TDRD6: variants seen among roughly 807,000 people sequenced by gnomAD.
The protein encoded by TDRD6 is tudor domain-containing protein 6.
Under a neutral mutation model 157.5 loss-of-function variants are expected in TDRD6, and 186 were observed. That is an observed-to-expected ratio of 1.18 (90% CI 1.05 to 1.33). The LOEUF (loss-of-function observed/expected upper bound fraction) is 1.33. Ranked by LOEUF, TDRD6 falls within the 40% of genes most tolerant of loss-of-function variation. The pLI, the probability that TDRD6 is intolerant of heterozygous loss-of-function variation, is 0.00. For synonymous variants in TDRD6, 1,075 were observed against 945.2 expected (o/e 1.14, Z -2.52); for missense variants, 3,066 against 2,508.0 (o/e 1.22, Z -4.75).
At position 46,688,707 on chromosome 6, in the gene TDRD6, G is replaced by C; in HGVS notation, c.579G>C (p.Glu193Asp). Residue 193 changes from glutamate (E) to aspartate (D), a missense_variant, in exon 1 of 4, where the codon GAG becomes GAC. By Grantham distance (45) the Glu-to-Asp change is conservative. Coordinates refer to ENST00000316081, the MANE Select transcript of TDRD6 (RefSeq NM_001010870.3). ...CTGATGTGTTCCAACAGATGCGGGA[G>C]CTGGGCCTGGCTCGGCGGGTGCCCG... ...EVPDVFQQMR[E>D]LGLARRVPDS... 6.2e-7 allele frequency: 1 copy of C among 1,601,020 alleles called. No homozygotes were observed. The highest frequency in any genetic ancestry group is 8.5e-7 in the Non-Finnish European group (1 of 1,179,614).
chr6:46,691,245 G>C lies in TDRD6; in HGVS notation c.3117G>C (p.Leu1039Phe). 2 of 1,614,058 alleles carry C rather than the reference G, an allele frequency of 1.2e-6. No homozygotes were observed. The highest frequency in any genetic ancestry group is 1.7e-6 in the Non-Finnish European group (2 of 1,179,958). Reference protein sequence around the residue: ...LKTSPLNPGTLCLAKYTDGNW... With the variant: ...LKTSPLNPGTFCLAKYTDGNW... ...CATCTCCCTTGAACCCTGGAACCTT[G>C]TGCCTTGCCAAGTATACTGATGGAA... The change falls in exon 1 of 4, where the codon TTG becomes TTC. Residue 1039 changes from leucine (L) to phenylalanine (F), a missense_variant. Coordinates refer to ENST00000316081, the MANE Select transcript of TDRD6 (RefSeq NM_001010870.3).
chr6:46,689,853 G>T lies in TDRD6; in HGVS notation c.1725G>T (p.Ser575=). 6.2e-7 allele frequency: 1 copy of T among 1,614,174 alleles called. No individual in the cohort carries two copies. The highest frequency in any genetic ancestry group is 8.5e-7 in the Non-Finnish European group (1 of 1,180,030). The stretch of plus-strand genomic sequence containing the variant: ...TATTCTTAGTTGACCGAGGCAATTC[G>T]GAAAATGTGGACTGGTATGACGTAA... ...VDVFLVDRGN[S]ENVDWYDVRM... Residue 575 remains serine (S), a synonymous_variant, in exon 1 of 4, where the codon TCG becomes TCT. Transcript: ENST00000316081.
chr6:46,691,494 G>A lies in TDRD6; in HGVS notation c.3366G>A (p.Lys1122=), dbSNP rs1287830859. 17 of 1,613,924 alleles carry A rather than the reference G, an allele frequency of 1.1e-5. No individual in the cohort carries two copies. Among genetic ancestry groups the A allele is most frequent in the Non-Finnish European group, 1.4e-5 (17 of 1,179,968 alleles). Residue 1122 remains lysine, a synonymous_variant, in exon 1 of 4, where the codon AAG becomes AAA. Transcript: ENST00000316081. ...GGTTTCAGGAGACTATTTTAGATAA[G>A]TCATTGAAGGCTTTAGTTGTAGCAA... ...VVWFQETILD[K]SLKALVVAKD... is the part of the protein sequence containing the mutation.
chr6:46,687,927 G>T lies in TDRD6; in HGVS notation c.-202G>T. On this transcript the variant is annotated 5_prime_UTR_variant, in exon 1 of 4. Transcript: ENST00000316081. ...CTCGGGCGGTTGGAGGGGCTACCGG[G>T]TCTTACCAGTCCGTGGCGGGAGTCC... The T allele has an allele frequency of 2.6e-6, 2 of 781,552 alleles. No homozygotes were observed. Among genetic ancestry groups the T allele is most frequent in the Non-Finnish European group, 3.7e-6 (2 of 535,386 alleles). 48.4% of individuals were successfully genotyped at this position (781,552 alleles called of 1,614,324 possible).
Position 46,688,277 on chromosome 6 carries a change from T to G in TDRD6, c.149T>G (p.Ile50Ser). 6.7e-7 allele frequency: 1 copy of G among 1,501,236 alleles called. No individual in the cohort carries two copies. The highest frequency in any genetic ancestry group is 8.8e-7 in the Non-Finnish European group (1 of 1,133,434). The allele number at this position is 1,501,236 out of a possible 1,614,324, so 93.0% of individuals were successfully genotyped here. A position where few individuals can be genotyped will look rare whatever the true frequency, so the allele number is the denominator to read the frequency against. The change falls in exon 1 of 4, where the codon ATC becomes AGC. Residue 50 changes from isoleucine to serine, a missense_variant. By Grantham distance (142) the Ile-to-Ser change is moderately radical. Transcript: ENST00000316081. ...RGEYLRLSRE[I>S]QEAAATRGQW... The stretch of plus-strand genomic sequence containing the variant: ...GAGTACCTGCGGCTGAGCCGGGAAA[T>G]CCAGGAAGCGGCGGCCACGCGCGGC...
Position 46,690,173 on chromosome 6 carries a change from A to G in TDRD6, c.2045A>G (p.His682Arg). 1 of 1,613,374 alleles carries G rather than the reference A, an allele frequency of 6.2e-7. No individual in the cohort carries two copies. The highest frequency in any genetic ancestry group is 8.5e-7 in the Non-Finnish European group (1 of 1,179,830). ...AAGGAAAATATCCTGGTAAATGCCC[A>G]CTCCCCAGGGCATGTTTCAAACCAC... The part of the protein sequence containing the change: ...ETKENILVNA[H>R]SPGHVSNHFT... The change falls in exon 1 of 4, where the codon CAC becomes CGC. Residue 682 changes from histidine to arginine, a missense_variant. Physicochemically the swap from His to Arg is conservative, Grantham distance 29. Coordinates refer to ENST00000316081, the MANE Select transcript of TDRD6 (RefSeq NM_001010870.3).
chr6:46,696,861 T>C (rs2150683665), intron 2 of TDRD6, among the ~76,000 whole-genome samples: 1 of 151,810 alleles, frequency 6.6e-6, no homozygotes, highest in African/African-American at 2.4e-5. Context: ...TCCGCCCACC[T>C]CAGCCTCCCA....
chr6:46,681,659 T>C, the TDRD6 span: 6 of 441,074 alleles, frequency 1.4e-5, no homozygotes, highest in South Asian at 8.1e-5. Context: ...TAAACTGTGT[T>C]ATTCTGATTT....
At position 46,690,008 on chromosome 6, in the gene TDRD6, A is replaced by G. The variant is rs2150677632; in HGVS notation, c.1880A>G (p.Lys627Arg). ...TTTTTTAAAAAGACTGTGCTCCACA[A>G]AGAATTAGTCATCCATATTCTTGAT... The part of the protein sequence containing the change: ...VSFFKKTVLH[K>R]ELVIHILDKQ... Residue 627 changes from lysine (K) to arginine (R), a missense_variant, in exon 1 of 4, where the codon AAA (lysine) becomes AGA (arginine). Physicochemically the swap from Lys to Arg is conservative, Grantham distance 26 (BLOSUM62 2). Transcript: ENST00000316081. 1.9e-6 allele frequency: 3 copies of G among 1,613,792 alleles called. No individual in the cohort carries two copies. Among genetic ancestry groups the G allele is most frequent in the East Asian group, 2.2e-5 (1 of 44,872 alleles).
chr6:46,690,060 G>T lies in TDRD6; in HGVS notation c.1932G>T (p.Glu644Asp). Residue 644 changes from glutamate to aspartate, a missense_variant, in exon 1 of 4, where the codon GAG becomes GAT. Coordinates refer to ENST00000316081, the MANE Select transcript of TDRD6 (RefSeq NM_001010870.3). ...LDKQDHQYVI[E>D]ILDESRTGEE... ...AACAGGATCATCAATATGTTATTGA[G>T]ATTCTTGACGAATCAAGAACAGGGG... The T allele has an allele frequency of 6.2e-7, 1 of 1,614,054 alleles. No individual in the cohort carries two copies. The highest frequency in any genetic ancestry group is 8.5e-7 in the Non-Finnish European group (1 of 1,180,004).
At position 46,692,456 on chromosome 6, in the gene TDRD6, G is replaced by A; in HGVS notation, c.4328G>A (p.Ser1443Asn). 2 of 1,614,014 alleles carry A rather than the reference G, an allele frequency of 1.2e-6. No individual in the cohort carries two copies. Among genetic ancestry groups the A allele is most frequent in the Non-Finnish European group, 1.7e-6 (2 of 1,180,006 alleles). ...ATGCATTACTTTTCCCAACGGACCA[G>A]CGAGGCTGCAATAAGATGTGAATTT... ...KMMHYFSQRTSEAAIRCEFVK... is the reference protein window; with the variant it reads ...KMMHYFSQRTNEAAIRCEFVK... Residue 1443 changes from serine to asparagine, a missense_variant, in exon 1 of 4, where the codon AGC becomes AAC. By Grantham distance (46) the Ser-to-Asn change is conservative (BLOSUM62 1). Coordinates refer to ENST00000316081, the MANE Select transcript of TDRD6 (RefSeq NM_001010870.3).
In TDRD6 at chr6:46,691,261, A is replaced by G. The variant is rs2150678861; in HGVS notation, c.3133A>G (p.Thr1045Ala). The G allele has an allele frequency of 1.2e-6, 2 of 1,614,134 alleles. No individual in the cohort carries two copies. The highest frequency in any genetic ancestry group is 1.7e-6 in the Non-Finnish European group (2 of 1,179,966). ...TGGAACCTTGTGCCTTGCCAAGTAT[A>G]CTGATGGAAACTGGTATAGGGGCAT... ...NPGTLCLAKY[T>A]DGNWYRGIVI... Residue 1045 changes from threonine (T) to alanine (A), a missense_variant, in exon 1 of 4, where the codon ACT (threonine) becomes GCT (alanine). Physicochemically the swap from Thr to Ala is moderately conservative, Grantham distance 58 (BLOSUM62 0). Transcript: ENST00000316081.
chr6:46,687,867 G>A (rs1194428939), upstream of TDRD6: 2 of 449,700 alleles, frequency 4.4e-6, no homozygotes, highest in Non-Finnish European at 7.6e-6. Context: ...AAGTGGCGGC[G>A]CCGAGTGAGG....
At chr6:46,699,444 C>T (rs1236629906) in intron 3 of TDRD6, among the ~76,000 whole-genome samples, 5 of 152,118 alleles carry the variant, frequency 3.3e-5, no homozygotes, top group Non-Finnish European at 7.4e-5. Flanking sequence ...CTGGGGTTAG[C>T]CACCCTCAGG....
intron 2 of TDRD6, 32 bp from the exon 3 acceptor site, chr6:46,697,966 G>A (rs1764538272): frequency 2.2e-6 from 3 of 1,344,816 alleles, no homozygotes; most frequent in Admixed American, 1.9e-5. Context: ...TTTTGAATTG[G>A]ACACTTTAAA....
In TDRD6 at chr6:46,698,081, AC is replaced by A. The variant is rs562156217; in HGVS notation, c.6257del (p.Pro2086LeufsTer8). The A allele has an allele frequency of 3.1e-5, 49 of 1,599,952 alleles. No homozygotes were observed. The highest frequency in any genetic ancestry group is 4.0e-5 in the Non-Finnish European group (47 of 1,169,030). The part of the protein sequence containing the change: ...NGIPKLDKSP[P>X]EKRGLEVMEI ...GCATACCCAAATTGGATAAGAGTCC[AC>A]CTGAGGTATGGAATTCTATAAATAG... On this transcript the variant is annotated frameshift_variant, in exon 3 of 4. Coordinates refer to ENST00000316081, the MANE Select transcript of TDRD6 (RefSeq NM_001010870.3). LOFTEE classifies it high-confidence loss of function.
rs776301609 is a variant in TDRD6 at position 46,692,375 on chromosome 6, T to C, written c.4247T>C (p.Ile1416Thr). 6.2e-7 allele frequency: 1 copy of C among 1,614,226 alleles called. No individual in the cohort carries two copies. Among genetic ancestry groups the C allele is most frequent in the South Asian group, 1.1e-5 (1 of 91,084 alleles). The stretch of plus-strand genomic sequence containing the variant: ...AATGCAATATTGCCGGGGTTGTGCA[T>C]TCATTGCTCCTTGCAGGGATTTGAG... ...LVNAILPGLC[I>T]HCSLQGFEVP... Residue 1416 changes from isoleucine to threonine, a missense_variant, in exon 1 of 4, where the codon ATT becomes ACT. By Grantham distance (89) the Ile-to-Thr change is moderately conservative (BLOSUM62 -1). Coordinates refer to ENST00000316081, the MANE Select transcript of TDRD6 (RefSeq NM_001010870.3).
In TDRD6 at chr6:46,690,206, C is replaced by T. The variant is rs756938796; in HGVS notation, c.2078C>T (p.Thr693Met). 13 of 1,613,742 alleles carry T rather than the reference C, an allele frequency of 8.1e-6. No individual in the cohort carries two copies. In the Admixed American group the frequency reaches 1.7e-4, roughly 21 times the overall value. ...GGGCATGTTTCAAACCACTTTACTACGGAGAGTAACAAAATACCTTTTGCC... is the reference window on the plus strand; with the variant it reads ...GGGCATGTTTCAAACCACTTTACTATGGAGAGTAACAAAATACCTTTTGCC... ...SPGHVSNHFTTESNKIPFAKT... is the reference protein window; with the variant it reads ...SPGHVSNHFTMESNKIPFAKT... The change falls in exon 1 of 4, where the codon ACG becomes ATG. Residue 693 changes from threonine to methionine, a missense_variant. Physicochemically the swap from Thr to Met is moderately conservative, Grantham distance 81 (BLOSUM62 -1). Coordinates refer to ENST00000316081, the MANE Select transcript of TDRD6 (RefSeq NM_001010870.3).
At position 46,691,661 on chromosome 6, in the gene TDRD6, A is replaced by G. The variant is rs923116891; in HGVS notation, c.3533A>G (p.Glu1178Gly). 8.7e-6 allele frequency: 14 copies of G among 1,612,638 alleles called. No individual in the cohort carries two copies. The African/African-American group carries it at 1.6e-4, about 18-fold the overall frequency. ...KESEVLCSTT[E>G]TLEEKNENMK... is the part of the protein sequence containing the mutation. Reference sequence around the variant, plus strand: ...AGTGAAGTCCTCTGTTCTACAACTGAAACTCTTGAAGAAAAAAATGAGAAT... The same window carrying G: ...AGTGAAGTCCTCTGTTCTACAACTGGAACTCTTGAAGAAAAAAATGAGAAT... Residue 1178 changes from glutamate (E) to glycine (G), a missense_variant, in exon 1 of 4, where the codon GAA becomes GGA. Glu to Gly is a moderately conservative substitution (Grantham distance 98). Transcript: ENST00000316081.
Sources: allele counts gnomAD v4.1 joint callset (sites outside exome capture counted in the v4.1 genomes callset), GRCh38; gene constraint gnomAD v4.1.1; transcripts MANE v1.5; gene names NCBI Gene and HGNC (gene_info 2026-07-23, HGNC 2026-07-21).